Variants in GPC5 observed in about 807,000 individuals in gnomAD.
The protein encoded by GPC5 is glypican 5.
GPC5 carries 47 observed loss-of-function variants against 53.9 expected under a neutral mutation model. The ratio of observed to expected loss-of-function variants is 0.87; its 90% CI spans 0.69 to 1.11. GPC5 has a LOEUF of 1.11. Ranked by LOEUF, GPC5 falls within the 50% of genes most tolerant of loss-of-function variation. The pLI is 0.00. For missense variants in GPC5, 748 were observed against 713.1 expected, an observed-to-expected ratio of 1.05 and a Z score of -0.56; for synonymous variants, 286 against 263.3, an observed-to-expected ratio of 1.09 and a Z score of -0.84.
At chr13:91,890,672 A>G (rs2039375434) in intron 5 of GPC5, among the ~76,000 whole-genome samples, 1 of 152,262 alleles carries the variant, frequency 6.6e-6, no homozygotes, top group Non-Finnish European at 1.5e-5. Context: ...GTTGTCCTGC[A>G]GTAATTCAAC....
At chr13:92,226,677 C>T (rs2042488899) in intron 7 of GPC5, among the ~76,000 whole-genome samples, 1 of 150,996 alleles carries the variant, frequency 6.6e-6, no homozygotes, top group South Asian at 2.1e-4. Flanking sequence ...TCGGTCACTG[C>T]CACCTCTGCC....
In GPC5 at chr13:91,806,831, G is replaced by A. The variant is rs138835228; in HGVS notation, c.1280+50411G>A. On this transcript the variant is annotated intron_variant, in intron 5 of 7. Transcript: ENST00000377067. Reference sequence around the variant, plus strand: ...TCAACAATATTTAGCGAGAAATGGGGAGGAGGAAAAGCCAAAACAAATGAA... The same window carrying A: ...TCAACAATATTTAGCGAGAAATGGGAAGGAGGAAAAGCCAAAACAAATGAA... 4.2e-3 allele frequency among the ~76,000 whole-genome samples: 643 copies of A among 152,238 alleles called. 6 individuals are homozygous for A. The highest frequency in any genetic ancestry group is 0.015 in the African/African-American group (609 of 41,548).
Position 92,276,955 on chromosome 13 carries a change from C to T in GPC5, c.1561+131966C>T, listed in dbSNP as rs11840432. Among the ~76,000 whole-genome samples, 924 of 151,934 alleles carry T rather than the reference C, an allele frequency of 6.1e-3. 9 individuals are homozygous for T. Among genetic ancestry groups the T allele is most frequent in the African/African-American group, 0.021 (876 of 41,468 alleles). On this transcript the variant is annotated intron_variant, in intron 7 of 7. Transcript: ENST00000377067. ...ATATTAGTCATGTTACTTTAGTACACTGGAAATATGAAAAGTAAACATTAC... is the reference window on the plus strand; with the variant it reads ...ATATTAGTCATGTTACTTTAGTACATTGGAAATATGAAAAGTAAACATTAC...
At chr13:91,642,677 A>G (rs1350879349) in intron 2 of GPC5, among the ~76,000 whole-genome samples, 1 of 151,558 alleles carries the variant, frequency 6.6e-6, no homozygotes, top group Non-Finnish European at 1.5e-5. Context: ...TGGAAGGGGA[A>G]GAGGACTTAG....
At chr13:91,852,339 T>A (rs746024794) in intron 5 of GPC5, among the ~76,000 whole-genome samples, 14 of 152,234 alleles carry the variant, frequency 9.2e-5, no homozygotes, top group Non-Finnish European at 1.8e-4. Context: ...GTCTTTCACT[T>A]CCACATCTTA....
At chr13:92,317,205 A>G (rs943143855) in intron 7 of GPC5, among the ~76,000 whole-genome samples, 3 of 152,168 alleles carry the variant, frequency 2.0e-5, no homozygotes, top group Non-Finnish European at 2.9e-5. Context: ...GATTCTTGAG[A>G]TAAAAGTCAT....
At chr13:92,466,054 G>T (rs1029429551) in intron 7 of GPC5, among the ~76,000 whole-genome samples, 20 of 151,936 alleles carry the variant, frequency 1.3e-4, no homozygotes, top group African/African-American at 4.8e-4. Context: ...CACTTTAAAT[G>T]TTCTCACCAC....
intron 5 of GPC5, among the ~76,000 whole-genome samples, chr13:91,844,385 C>T (rs1219336113): frequency 6.6e-6 from 1 of 152,148 alleles, no homozygotes; most frequent in Non-Finnish European, 1.5e-5. Flanking sequence ...AACTTCTAAC[C>T]TTACTAGGGA....
intron 7 of GPC5, among the ~76,000 whole-genome samples, chr13:92,764,004 T>C (rs1401857850): frequency 6.6e-6 from 1 of 152,054 alleles, no homozygotes; most frequent in Non-Finnish European, 1.5e-5. Context: ...CTAGAGTCTG[T>C]TGTTTTGCCT....
chr13:92,775,139 A>C (rs937111017), intron 7 of GPC5, among the ~76,000 whole-genome samples: 4 of 152,204 alleles, frequency 2.6e-5, no homozygotes, highest in Non-Finnish European at 5.9e-5. Flanking sequence ...CTTGTCCTGC[A>C]GCTGTTGTGT....
rs370703042 is a variant in GPC5, at chr13:91,622,968, G to A, written c.326-70219G>A. Among the ~76,000 whole-genome samples, 20 of 152,240 alleles carry A rather than the reference G, an allele frequency of 1.3e-4. 1 individual carries two copies. In the South Asian group the frequency reaches 3.9e-3, roughly 30 times the overall value. On this transcript the variant is annotated intron_variant, in intron 2 of 7. Coordinates refer to ENST00000377067, the MANE Select transcript of GPC5 (RefSeq NM_004466.6). ...ATACATTATCATCTGTCTACCTCATGAGGAATAATTGCTTGAGAATGAACT... is the reference window on the plus strand; with the variant it reads ...ATACATTATCATCTGTCTACCTCATAAGGAATAATTGCTTGAGAATGAACT...
At chr13:91,624,360 A>G (rs1182928434) in intron 2 of GPC5, among the ~76,000 whole-genome samples, 1 of 152,178 alleles carries the variant, frequency 6.6e-6, no homozygotes, top group Non-Finnish European at 1.5e-5. Flanking sequence ...AAAATATAGT[A>G]TCACAAGTGT....
intron 2 of GPC5, among the ~76,000 whole-genome samples, chr13:91,520,093 A>G (rs1885721530): frequency 6.6e-6 from 1 of 152,150 alleles, no homozygotes; most frequent in Non-Finnish European, 1.5e-5. Context: ...GTCATACTGG[A>G]AATAGTGGAA....
intron 7 of GPC5, among the ~76,000 whole-genome samples, chr13:92,772,807 T>C (rs1215907614): frequency 2.0e-5 from 3 of 152,218 alleles, no homozygotes; most frequent in Non-Finnish European, 4.4e-5. Context: ...AAATATTTCT[T>C]ATCACAGTTA....
chr13:92,797,376 A>G (rs1349032916), intron 7 of GPC5, among the ~76,000 whole-genome samples: 2 of 151,818 alleles, frequency 1.3e-5, no homozygotes, highest in African/African-American at 4.8e-5. Flanking sequence ...CTGTTTCTTG[A>G]TTTATTTCCT....
At chr13:92,277,726 C>CA (rs1171993395) in intron 7 of GPC5, among the ~76,000 whole-genome samples, 1 of 151,724 alleles carries the variant, frequency 6.6e-6, no homozygotes, top group Non-Finnish European at 1.5e-5. Flanking sequence ...ATTTTGATCA[C>CA]AAAAATGGCA....
At chr13:92,125,946 T>G (rs1487104143) in intron 6 of GPC5, among the ~76,000 whole-genome samples, 27 of 49,524 alleles carry the variant, frequency 5.5e-4, no homozygotes, top group East Asian at 1.7e-3. Context: ...TTTTTTTTTT[T>G]TTTTTTTTTT....
intron 6 of GPC5, among the ~76,000 whole-genome samples, chr13:92,038,952 C>G (rs974897986): frequency 6.6e-6 from 1 of 152,040 alleles, no homozygotes; most frequent in Non-Finnish European, 1.5e-5. Context: ...TCTTTGAAGT[C>G]AAATGAAGAA....
At chr13:92,356,500 C>A (rs1194891324) in intron 7 of GPC5, among the ~76,000 whole-genome samples, 3 of 152,124 alleles carry the variant, frequency 2.0e-5, no homozygotes, top group Non-Finnish European at 2.9e-5. Context: ...TTAGACCAGA[C>A]CCCTTACTTG....
Sources: gnomAD v4.1 joint callset for allele counts (sites outside exome capture counted in the v4.1 genomes callset) on GRCh38, gnomAD v4.1.1 for gene constraint, MANE v1.5 for transcripts, NCBI Gene and HGNC (gene_info 2026-07-23, HGNC 2026-07-21) for gene names.